Variants in CSMD1 observed in about 807,000 individuals in gnomAD.
CSMD1 encodes CUB and sushi domain-containing protein 1.
In CSMD1, 213 loss-of-function variants were observed where a neutral mutation model predicts 417.5. The ratio of observed to expected loss-of-function variants is 0.51; its 90% CI spans 0.46 to 0.57. CSMD1 has a LOEUF of 0.57. Among genes scored for constraint, CSMD1 ranks in the 20% least tolerant of loss-of-function variants. CSMD1 has a pLI of 0.00. For missense variants in CSMD1, 6,923 were observed against 4,529.7 expected (o/e 1.53, Z -15.17); for synonymous variants, 2,862 against 1,736.8 (o/e 1.65, Z -16.11).
At chr8:4,394,055 CAGTT>C (rs1313368800) in intron 3 of CSMD1, among the ~76,000 whole-genome samples, 1 of 152,144 alleles carries the variant, frequency 6.6e-6, no homozygotes, top group Non-Finnish European at 1.5e-5. Flanking sequence ...TAATACTTCT[CAGTT>C]ACTCATATCT....
chr8:3,722,754 A>T (rs1463316794), intron 6 of CSMD1, among the ~76,000 whole-genome samples: 1 of 152,220 alleles, frequency 6.6e-6, no homozygotes, highest in East Asian at 1.9e-4. Flanking sequence ...TAATATTAGC[A>T]TTAATGCTAG....
intron 8 of CSMD1, among the ~76,000 whole-genome samples, chr8:3,597,437 C>T (rs1340112010): frequency 1.0e-5 from 1 of 99,718 alleles, no homozygotes; most frequent in Admixed American, 1.1e-4. Flanking sequence ...TCAATGCAAG[C>T]CCCAAGACCT....
chr8:4,878,581 G>T (rs545362397), intron 1 of CSMD1, among the ~76,000 whole-genome samples: 1 of 151,622 alleles, frequency 6.6e-6, no homozygotes, highest in South Asian at 2.1e-4. Context: ...GACACAAAAA[G>T]AGAGCATAAT....
intron 2 of CSMD1, among the ~76,000 whole-genome samples, chr8:4,546,770 A>C (rs1305075916): frequency 6.6e-6 from 1 of 152,032 alleles, no homozygotes; most frequent in South Asian, 2.1e-4. Flanking sequence ...TATAAATTAT[A>C]CATGCTACAT....
chr8:3,600,757 T>A (rs1024179755), intron 8 of CSMD1, among the ~76,000 whole-genome samples: 2 of 152,176 alleles, frequency 1.3e-5, no homozygotes, highest in African/African-American at 4.8e-5. Context: ...ATCACAGGAT[T>A]CAGTCATAAA....
At chr8:2,988,764 T>C (rs1015666495) in intron 54 of CSMD1, among the ~76,000 whole-genome samples, 6 of 152,222 alleles carry the variant, frequency 3.9e-5, no homozygotes, top group Non-Finnish European at 7.3e-5. Context: ...GAATTTTCTT[T>C]AGTCTCCTAA....
intron 1 of CSMD1, among the ~76,000 whole-genome samples, chr8:4,689,580 T>C (rs1806631032): frequency 6.6e-6 from 1 of 152,202 alleles, no homozygotes; most frequent in Non-Finnish European, 1.5e-5. Context: ...TTTGAAAAGC[T>C]GAATAACACA....
intron 2 of CSMD1, among the ~76,000 whole-genome samples, chr8:4,609,636 C>T (rs992025400): frequency 6.6e-6 from 1 of 152,120 alleles, no homozygotes; most frequent in Non-Finnish European, 1.5e-5. Flanking sequence ...TTTGACATCC[C>T]ATTCTTAATA....
At chr8:4,047,970 T>G (rs943373058) in intron 3 of CSMD1, among the ~76,000 whole-genome samples, 2 of 152,224 alleles carry the variant, frequency 1.3e-5, no homozygotes, top group African/African-American at 4.8e-5. Flanking sequence ...TCCTTAGGCC[T>G]TGTTTCTTTT....
chr8:3,369,383 A>G lies in CSMD1; in HGVS notation c.2783-13T>C, dbSNP rs760621294. ...CCTCCACATAGAGCTTAAAATAATAAAGAGAGATGATTACAGCACTAAAGT... is the reference window on the plus strand; with the variant it reads ...CCTCCACATAGAGCTTAAAATAATAGAGAGAGATGATTACAGCACTAAAGT... On this transcript the variant is annotated splice_polypyrimidine_tract_variant and intron_variant, in intron 18 of 69. Transcript: ENST00000635120. 2.3e-6 allele frequency: 3 copies of G among 1,288,684 alleles called. No homozygotes were observed. Among genetic ancestry groups the G allele is most frequent in the South Asian group, 2.5e-5 (2 of 81,410 alleles). 79.8% of individuals were successfully genotyped at this position (1,288,684 alleles called of 1,614,324 possible).
chr8:3,772,967 G>C (rs183331638), intron 5 of CSMD1, among the ~76,000 whole-genome samples: 129 of 152,204 alleles, frequency 8.5e-4, no homozygotes, highest in African/African-American at 2.8e-3. Flanking sequence ...CAAGGTGCCA[G>C]TGGATCCCAC....
intron 3 of CSMD1, among the ~76,000 whole-genome samples, chr8:4,339,484 C>T (rs980811960): frequency 2.0e-5 from 3 of 152,056 alleles, no homozygotes; most frequent in South Asian, 2.1e-4. Context: ...GATACTGGAG[C>T]TGAGTGACAA....
chr8:3,910,515 T>C (rs1808396431), intron 5 of CSMD1, among the ~76,000 whole-genome samples: 1 of 152,202 alleles, frequency 6.6e-6, no homozygotes, highest in Non-Finnish European at 1.5e-5. Flanking sequence ...TATACAAATT[T>C]TACAAAGAAG....
At chr8:3,848,890 T>C (rs1384443439) in intron 5 of CSMD1, among the ~76,000 whole-genome samples, 2 of 151,402 alleles carry the variant, frequency 1.3e-5, no homozygotes, top group African/African-American at 4.9e-5. Flanking sequence ...AAGAGTGATA[T>C]AAAGAAGATA....
At chr8:2,941,394 T>C (rs988043380) in intron 69 of CSMD1, among the ~76,000 whole-genome samples, 2 of 152,242 alleles carry the variant, frequency 1.3e-5, no homozygotes, top group African/African-American at 2.4e-5. Flanking sequence ...ATCTGTATTA[T>C]GTACTGATAT....
intron 3 of CSMD1, among the ~76,000 whole-genome samples, chr8:4,054,513 C>A (rs762448174): frequency 1.3e-5 from 2 of 152,098 alleles, no homozygotes; most frequent in Non-Finnish European, 2.9e-5. Context: ...TTCGTCTACA[C>A]CCTACCTCAT....
chr8:3,836,801 C>T (rs12549632), intron 5 of CSMD1, among the ~76,000 whole-genome samples: 1 of 151,796 alleles, frequency 6.6e-6, no homozygotes, highest in Non-Finnish European at 1.5e-5. Context: ...TTTATTTCTT[C>T]TCACAGTTTA....
At chr8:4,087,813 T>C (rs909583206) in intron 3 of CSMD1, among the ~76,000 whole-genome samples, 2 of 152,158 alleles carry the variant, frequency 1.3e-5, no homozygotes, top group Admixed American at 6.5e-5. Context: ...ATTTTAGCAT[T>C]ATTTTCCCTT....
intron 10 of CSMD1, among the ~76,000 whole-genome samples, chr8:3,569,517 T>C (rs1169121031): frequency 1.3e-5 from 2 of 152,220 alleles, no homozygotes; most frequent in East Asian, 1.9e-4. Context: ...TGTCCTATCT[T>C]ATTTCTTAAA....
Sources: gnomAD v4.1 joint callset for allele counts (sites outside exome capture counted in the v4.1 genomes callset) on GRCh38, gnomAD v4.1.1 for gene constraint, MANE v1.5 for transcripts, NCBI Gene and HGNC (gene_info 2026-07-23, HGNC 2026-07-21) for gene names.